Variants in SLC44A5 observed in about 807,000 individuals in gnomAD.
SLC44A5 encodes choline transporter-like protein 5.
Under a neutral mutation model 101.8 loss-of-function variants are expected in SLC44A5, and 57 were observed. That is an observed-to-expected ratio of 0.56 (90% CI 0.45 to 0.70). The LOEUF is 0.70. SLC44A5 is among the 30% of genes least tolerant of loss of function. SLC44A5 has a pLI of 0.00. For missense variants in SLC44A5, 737 were observed against 853.1 expected (o/e 0.86, Z 1.70); for synonymous variants, 281 against 290.9 (o/e 0.97, Z 0.35).
intron 6 of SLC44A5, among the ~76,000 whole-genome samples, chr1:75,266,358 T>C (rs1330440094): frequency 2.9e-5 from 3 of 103,344 alleles, no homozygotes; most frequent in African/African-American, 1.1e-4. Flanking sequence ...CACACATTTA[T>C]TTGTGGTGTT....
At chr1:75,343,455 TAGAA>T (rs1658032171) in intron 3 of SLC44A5, among the ~76,000 whole-genome samples, 1 of 152,172 alleles carries the variant, frequency 6.6e-6, no homozygotes, top group African/African-American at 2.4e-5. Context: ...CAGTGATGCT[TAGAA>T]AGACTCTTTT....
chr1:75,385,652 C>A (rs1375260903), intron 3 of SLC44A5, among the ~76,000 whole-genome samples: 1 of 152,138 alleles, frequency 6.6e-6, no homozygotes, highest in African/African-American at 2.4e-5. Flanking sequence ...GCTACCATTC[C>A]TTCTGAAATT....
At chr1:75,566,203 G>A (rs981676347) in intron 1 of SLC44A5, among the ~76,000 whole-genome samples, 1 of 152,094 alleles carries the variant, frequency 6.6e-6, no homozygotes, top group Non-Finnish European at 1.5e-5. Context: ...TTAAAAAGAA[G>A]ACAAATTATT....
chr1:75,636,166 G>A, the SLC44A5 span, among the ~76,000 whole-genome samples: 3 of 151,914 alleles, frequency 2.0e-5, no homozygotes, highest in South Asian at 2.1e-4. Flanking sequence ...GAGAACATGC[G>A]ATGTTAGGCT....
chr1:75,280,878 C>T (rs1407261248), intron 5 of SLC44A5, among the ~76,000 whole-genome samples: 5 of 151,740 alleles, frequency 3.3e-5, no homozygotes, highest in Non-Finnish European at 5.9e-5. Flanking sequence ...ATCAATTAAA[C>T]CTCTTTCCTT....
chr1:75,663,494 C>A, the SLC44A5 span, among the ~76,000 whole-genome samples: 1 of 152,090 alleles, frequency 6.6e-6, no homozygotes, highest in African/African-American at 2.4e-5. Flanking sequence ...GACTAAGACA[C>A]CATTTCAAGA....
At chr1:75,315,128 G>A (rs1399304289) in intron 4 of SLC44A5, among the ~76,000 whole-genome samples, 1 of 152,098 alleles carries the variant, frequency 6.6e-6, no homozygotes, top group East Asian at 1.9e-4. Flanking sequence ...TGTAAAGCAC[G>A]TAGAACTCCT....
chr1:75,667,462 A>G, the SLC44A5 span, among the ~76,000 whole-genome samples: 3 of 152,228 alleles, frequency 2.0e-5, no homozygotes, highest in Non-Finnish European at 4.4e-5. Flanking sequence ...TTGCATTCTC[A>G]TGGATAGGAA....
At chr1:75,257,703 C>T (rs1650129749) in intron 6 of SLC44A5, among the ~76,000 whole-genome samples, 1 of 152,144 alleles carries the variant, frequency 6.6e-6, no homozygotes, top group Non-Finnish European at 1.5e-5. Context: ...GAGAAAGCTT[C>T]TACTGGGTCT....
intron 2 of SLC44A5, among the ~76,000 whole-genome samples, chr1:75,463,823 C>T (rs1423229097): frequency 6.6e-6 from 1 of 152,292 alleles, no homozygotes; most frequent in Non-Finnish European, 1.5e-5. Flanking sequence ...TATTACAACA[C>T]TGTAACTGTG....
At chr1:75,511,217 T>C (rs1033144686) in intron 2 of SLC44A5, among the ~76,000 whole-genome samples, 10 of 152,206 alleles carry the variant, frequency 6.6e-5, no homozygotes, top group African/African-American at 2.2e-4. Context: ...GCCTTAGATC[T>C]TGCTATAGTC....
intron 1 of SLC44A5, among the ~76,000 whole-genome samples, chr1:75,609,063 CGATT>C (rs1675497641): frequency 6.6e-6 from 1 of 151,698 alleles, no homozygotes; most frequent in Non-Finnish European, 1.5e-5. Context: ...ACATAGTAAG[CGATT>C]GATTAACACT....
intron 3 of SLC44A5, among the ~76,000 whole-genome samples, chr1:75,387,784 C>T (rs1306829406): frequency 9.2e-4 from 81 of 88,416 alleles, no homozygotes; most frequent in African/African-American, 1.8e-3. Context: ...CGGCATTATT[C>T]ACAATAGCAA....
intron 3 of SLC44A5, among the ~76,000 whole-genome samples, chr1:75,346,113 A>G (rs1254873570): frequency 6.6e-6 from 1 of 152,128 alleles, no homozygotes; most frequent in Non-Finnish European, 1.5e-5. Flanking sequence ...ATGACCCCAC[A>G]TTGGACATGG....
the SLC44A5 span, among the ~76,000 whole-genome samples, chr1:75,655,971 C>A: frequency 7.0e-3 from 1,061 of 152,120 alleles, 8 homozygotes; most frequent in Non-Finnish European, 0.012. Context: ...TAATCAAGCT[C>A]CAAAGGTCAA....
chr1:75,316,911 T>C lies in SLC44A5; in HGVS notation c.102-16226A>G, dbSNP rs116559747. Among the ~76,000 whole-genome samples the C allele has an allele frequency of 4.9e-3, 745 of 152,226 alleles. 5 individuals are homozygous for C. The highest frequency in any genetic ancestry group is 0.017 in the African/African-American group (716 of 41,532). ...CCCACATGAATGCAAATGTGTAAGGTTGAGCCAGCAAAATCCCAGAAGGCA... is the reference window on the plus strand; with the variant it reads ...CCCACATGAATGCAAATGTGTAAGGCTGAGCCAGCAAAATCCCAGAAGGCA... On this transcript the variant is annotated intron_variant, in intron 4 of 23. Coordinates refer to ENST00000370859, the MANE Select transcript of SLC44A5 (RefSeq NM_001130058.2).
At chr1:75,583,978 C>T (rs1279984006) in intron 1 of SLC44A5, among the ~76,000 whole-genome samples, 1 of 152,202 alleles carries the variant, frequency 6.6e-6, no homozygotes, top group East Asian at 1.9e-4. Context: ...AGGAGATTGT[C>T]ACTCAATGTC....
At chr1:75,676,148 AAGAACT>A in the SLC44A5 span, among the ~76,000 whole-genome samples, 1 of 152,212 alleles carries the variant, frequency 6.6e-6, no homozygotes, top group African/African-American at 2.4e-5. Flanking sequence ...CAATTCCTCA[AAGAACT>A]AGAACTGGAA....
chr1:75,582,378 G>A (rs1350451985), intron 1 of SLC44A5: 6 of 893,456 alleles, frequency 6.7e-6, no homozygotes, highest in Admixed American at 4.0e-5. Flanking sequence ...AAGCTCCATC[G>A]ACTTGCCCAC....
Sources: allele counts gnomAD v4.1 joint callset (sites outside exome capture counted in the v4.1 genomes callset), GRCh38; gene constraint gnomAD v4.1.1; transcripts MANE v1.5; gene names NCBI Gene and HGNC (gene_info 2026-07-23, HGNC 2026-07-21).